The following DYNC2H1 variants were observed in gnomAD, a reference collection of about 807,000 sequenced individuals.
DYNC2H1 encodes the protein dynein cytoplasmic 2 heavy chain 1, also known as cytoplasmic dynein 2 heavy chain 1.
Under a neutral mutation model 570.0 loss-of-function variants are expected in DYNC2H1, and 410 were observed. The observed-to-expected ratio is 0.72, with a 90% CI of 0.66 to 0.78. The LOEUF (loss-of-function observed/expected upper bound fraction) is 0.78. DYNC2H1 is among the 30% of genes least tolerant of loss of function. The pLI is 0.00. For missense variants in DYNC2H1, 4,865 were observed against 5,046.4 expected (o/e 0.96, Z 1.09); for synonymous variants, 1,688 against 1,677.6 (o/e 1.01, Z -0.15).
In DYNC2H1 at chr11:103,209,738, G is replaced by A. The variant is rs1591412652; in HGVS notation, c.8455-138G>A. On this transcript the variant is annotated intron_variant, in intron 52 of 88. Transcript: ENST00000375735. The surrounding 1 kb of genome is among the most constrained non-coding windows in gnomAD (Gnocchi z 4.2). ...GAAATCATTTCTTCTAAAGATTTCTGTATTATTTTTGTCTCTTAGTCTGGA... is the reference window on the plus strand; with the variant it reads ...GAAATCATTTCTTCTAAAGATTTCTATATTATTTTTGTCTCTTAGTCTGGA... The A allele has an allele frequency of 3.6e-6, 2 of 554,336 alleles. No homozygotes were observed. The highest frequency in any genetic ancestry group is 5.4e-6 in the Non-Finnish European group (2 of 369,718). The allele number at this position is 554,336 out of a possible 1,614,324, so 34.3% of individuals were successfully genotyped here.
At chr11:103,307,858 C>A in intron 78 of DYNC2H1, 27 bp downstream of exon 78, 1 of 1,379,084 alleles carries the variant, frequency 7.3e-7, no homozygotes, top group East Asian at 2.4e-5. Context: ...CTTGGATCAC[C>A]AGTTGTATGA....
rs761650103 is a variant in DYNC2H1, at chr11:103,199,235, T to C, written c.7847T>C (p.Ile2616Thr). ...TTCTGATTTTTTTAAAAGGGTCTTA[T>C]TCATTATGGACGAGATAACCAGAAT... The part of the protein sequence containing the change: ...DLKDVIKKGL[I>T]HYGRDNQNLD... Residue 2616 changes from isoleucine (I) to threonine (T), a missense_variant, in exon 49 of 89, where the codon ATT becomes ACT. Coordinates refer to ENST00000375735, the MANE Select transcript of DYNC2H1 (RefSeq NM_001377.3). The surrounding 1 kb of genome is among the most constrained non-coding windows in gnomAD (Gnocchi z 4.6). 8.9e-5 allele frequency: 139 copies of C among 1,564,246 alleles called. 1 individual carries two copies. In the South Asian group the frequency reaches 1.4e-3, roughly 16 times the overall value.
rs530019530 is a variant in DYNC2H1, at chr11:103,176,537, A to G, written c.5874+103A>G. On this transcript the variant is annotated intron_variant, in intron 37 of 88. Coordinates refer to ENST00000375735, the MANE Select transcript of DYNC2H1 (RefSeq NM_001377.3). ...CTTTCAACTTATCTTTTATCTTTCAACTTAGATCTCACTTGCTCAGGGAAG... is the reference window on the plus strand; with the variant it reads ...CTTTCAACTTATCTTTTATCTTTCAGCTTAGATCTCACTTGCTCAGGGAAG... 1.6e-4 allele frequency: 155 copies of G among 960,734 alleles called. No homozygotes were observed. In the African/African-American group the frequency reaches 2.5e-3, roughly 15 times the overall value. The allele number at this position is 960,734 out of a possible 1,614,324, so 59.5% of individuals were successfully genotyped here.
Position 103,152,160 on chromosome 11 carries a change from G to A in DYNC2H1, c.2971G>A (p.Glu991Lys), listed in dbSNP as rs773979754. 1 of 1,601,588 alleles carries A rather than the reference G, an allele frequency of 6.2e-7. No homozygotes were observed. The highest frequency in any genetic ancestry group is 1.1e-5 in the South Asian group (1 of 88,850). The change falls in exon 21 of 89, where the codon GAA (glutamate) becomes AAA (lysine). Residue 991 changes from glutamate to lysine, a missense_variant. Coordinates refer to ENST00000375735, the MANE Select transcript of DYNC2H1 (RefSeq NM_001377.3). Reference sequence around the variant, plus strand: ...GATTTTGCCCTTATTTCAAGAAGCTGAAGACAAAAACAGACTTTTACGAAC... The same window carrying A: ...GATTTTGCCCTTATTTCAAGAAGCTAAAGACAAAAACAGACTTTTACGAAC... ...PEILPLFQEAEDKNRLLRTVA... is the reference protein window; with the variant it reads ...PEILPLFQEAKDKNRLLRTVA...
intron 52 of DYNC2H1, among the ~76,000 whole-genome samples, chr11:103,208,953 A>G (rs1274620775): frequency 1.3e-5 from 2 of 152,152 alleles, no homozygotes; most frequent in Non-Finnish European, 2.9e-5. Flanking sequence ...ACGAGTTCCC[A>G]AAGAAACAAA....
At chr11:103,160,511 G>A (rs1861047034) in intron 28 of DYNC2H1, among the ~76,000 whole-genome samples, 1 of 151,910 alleles carries the variant, frequency 6.6e-6, no homozygotes, top group Admixed American at 6.6e-5. Flanking sequence ...TTTCCAAAGA[G>A]GTTATAACAT....
intron 82 of DYNC2H1, among the ~76,000 whole-genome samples, chr11:103,352,102 T>C (rs577238883): frequency 6.6e-6 from 1 of 152,190 alleles, no homozygotes; most frequent in Admixed American, 6.5e-5. Context: ...AAAAGTAGAA[T>C]TTTAAAATAA....
intron 87 of DYNC2H1, among the ~76,000 whole-genome samples, chr11:103,468,236 T>A (rs1027988768): frequency 6.6e-6 from 1 of 152,240 alleles, no homozygotes; most frequent in Admixed American, 6.5e-5. Flanking sequence ...CAATGTTTGC[T>A]CTCTAATTAT....
intron 83 of DYNC2H1, among the ~76,000 whole-genome samples, chr11:103,392,632 C>T (rs1942210440): frequency 6.6e-6 from 1 of 152,176 alleles, no homozygotes; most frequent in African/African-American, 2.4e-5. Context: ...GGCTCCACCC[C>T]TATCTTATTG....
chr11:103,211,680 A>G (rs1863159223), intron 53 of DYNC2H1, 109 bp from the exon 54 acceptor site: 4 of 469,788 alleles, frequency 8.5e-6, no homozygotes, highest in South Asian at 6.1e-5. Context: ...ATTTATAACT[A>G]TATAGCATGG....
Position 103,236,440 on chromosome 11 carries a change from G to A in DYNC2H1, c.9720G>A (p.Leu3240=), listed in dbSNP as rs748070487. The change falls in exon 63 of 89, where the codon CTG becomes CTA. Residue 3240 remains leucine, a synonymous_variant. Transcript: ENST00000375735. ...TCTTCAACTTTTCAGAATTTGATCT[G>A]AGGAGATTTCTTTGTACTGAAAGTG... The part of the protein sequence containing the change: ...TKSAGLEKFD[L]RRFLCTESEQ... 6.3e-7 allele frequency: 1 copy of A among 1,596,012 alleles called. No individual in the cohort carries two copies.
At chr11:103,169,796 C>T (rs1591353147) in intron 32 of DYNC2H1, among the ~76,000 whole-genome samples, 1 of 152,142 alleles carries the variant, frequency 6.6e-6, no homozygotes, top group Non-Finnish European at 1.5e-5. Context: ...GGGATGATTA[C>T]TGTATAATAA....
intron 83 of DYNC2H1, among the ~76,000 whole-genome samples, chr11:103,384,678 A>C (rs1260326543): frequency 6.6e-6 from 1 of 152,166 alleles, no homozygotes; most frequent in Non-Finnish European, 1.5e-5. Flanking sequence ...ACAGTTCAAG[A>C]AGCTTAGTAT....
intron 88 of DYNC2H1, among the ~76,000 whole-genome samples, chr11:103,477,479 GT>G (rs1271282893): frequency 6.6e-6 from 1 of 152,092 alleles, no homozygotes; most frequent in African/African-American, 2.4e-5. Flanking sequence ...AACTCATGAT[GT>G]TTTTCTTTTA....
chr11:103,414,727 A>G (rs899005017), intron 84 of DYNC2H1, among the ~76,000 whole-genome samples: 1 of 152,200 alleles, frequency 6.6e-6, no homozygotes, highest in South Asian at 2.1e-4. Context: ...AAGCATTCCT[A>G]TACATCAATA....
At chr11:103,233,534 T>G (rs1393871760) in intron 60 of DYNC2H1, among the ~76,000 whole-genome samples, 1 of 151,808 alleles carries the variant, frequency 6.6e-6, no homozygotes, top group East Asian at 1.9e-4. Context: ...TGGTAGATGT[T>G]AGAGGGGGTT....
Position 103,181,785 on chromosome 11 carries a change from A to G in DYNC2H1, c.6376A>G (p.Ile2126Val). 6.4e-7 allele frequency: 1 copy of G among 1,570,408 alleles called. No individual in the cohort carries two copies. The highest frequency in any genetic ancestry group is 8.7e-7 in the Non-Finnish European group (1 of 1,155,774). Residue 2126 changes from isoleucine to valine, a missense_variant, in exon 40 of 89, where the codon ATA becomes GTA. This residue lies in a region of DYNC2H1 where 231 missense variants were observed against 310.3 expected (regional missense o/e 0.74). Coordinates refer to ENST00000375735, the MANE Select transcript of DYNC2H1 (RefSeq NM_001377.3). The surrounding 1 kb of genome is among the most constrained non-coding windows in gnomAD (Gnocchi z 5.0). ...SDEETDLNSLIKSWLRNQPAE... is the reference protein window; with the variant it reads ...SDEETDLNSLVKSWLRNQPAE... ...TGAAGAGACAGATCTTAATTCTCTG[A>G]TAAAATCTTGGTTGAGGAATCAGCC... is the stretch of plus-strand genomic sequence containing the variant.
intron 17 of DYNC2H1, among the ~76,000 whole-genome samples, chr11:103,139,694 G>A (rs1591302703): frequency 6.6e-6 from 1 of 151,798 alleles, no homozygotes; most frequent in African/African-American, 2.4e-5. Flanking sequence ...ATATTCTGTT[G>A]ATCTGGGGTG....
intron 39 of DYNC2H1, among the ~76,000 whole-genome samples, chr11:103,180,142 C>A (rs1861789622): frequency 6.6e-6 from 1 of 151,532 alleles, no homozygotes; most frequent in Non-Finnish European, 1.5e-5. Context: ...GGGTTTACTG[C>A]TTTCATAGCA....
Sources: allele counts gnomAD v4.1 joint callset (sites outside exome capture counted in the v4.1 genomes callset), GRCh38; gene constraint gnomAD v4.1.1; regional missense constraint gnomAD v4.1.1; non-coding constraint Gnocchi (gnomAD v3.1); transcripts MANE v1.5; gene names NCBI Gene and HGNC (gene_info 2026-07-23, HGNC 2026-07-21).